The following TSPAN5 variants were observed in gnomAD, a reference collection of about 807,000 sequenced individuals.
The protein encoded by TSPAN5 is tetraspanin-5.
TSPAN5 carries 10 observed loss-of-function variants against 37.1 expected under a neutral mutation model. That is an observed-to-expected ratio of 0.27 (90% CI 0.17 to 0.46). TSPAN5 has a LOEUF of 0.46. Among genes scored for constraint, TSPAN5 ranks in the 20% least tolerant of loss-of-function variants. TSPAN5 has a pLI of 1.00. For missense variants in TSPAN5, 195 were observed against 326.6 expected, an observed-to-expected ratio of 0.60 and a Z score of 3.11; for synonymous variants, 110 against 118.9, an observed-to-expected ratio of 0.93 and a Z score of 0.48.
At chr4:98,524,465 A>T (rs550294847) in intron 1 of TSPAN5, among the ~76,000 whole-genome samples, 1 of 152,326 alleles carries the variant, frequency 6.6e-6, no homozygotes, top group African/African-American at 2.4e-5. Context: ...CTAGGTGATT[A>T]ATTAGTGCTC....
intron 3 of TSPAN5, chr4:98,484,573 T>C: frequency 2.2e-6 from 1 of 456,102 alleles, no homozygotes; most frequent in South Asian, 1.5e-5. Flanking sequence ...GTTTTCTGCC[T>C]GTTCAGTTAA....
chr4:98,492,593 G>A (rs982197722), intron 2 of TSPAN5, among the ~76,000 whole-genome samples: 2 of 152,140 alleles, frequency 1.3e-5, no homozygotes, highest in South Asian at 2.1e-4. Context: ...ACAGACACAC[G>A]CACGTGGTCG....
At chr4:98,473,794 A>C (rs1752638345) in intron 7 of TSPAN5, among the ~76,000 whole-genome samples, 1 of 151,802 alleles carries the variant, frequency 6.6e-6, no homozygotes, top group African/African-American at 2.4e-5. Flanking sequence ...TTGTTTTTTA[A>C]TAATTTAAGG....
chr4:98,562,680 A>G (rs1476115925), intron 1 of TSPAN5, among the ~76,000 whole-genome samples: 1 of 151,934 alleles, frequency 6.6e-6, no homozygotes, highest in African/African-American at 2.4e-5. Flanking sequence ...ACAAAACAAA[A>G]CAAAACAAAA....
At chr4:98,605,657 C>A (rs1756016519) in intron 1 of TSPAN5, among the ~76,000 whole-genome samples, 1 of 152,196 alleles carries the variant, frequency 6.6e-6, no homozygotes, top group Admixed American at 6.5e-5. Flanking sequence ...TAGCCACAAA[C>A]TGTCAATCCC....
At chr4:98,601,437 C>T (rs1194750556) in intron 1 of TSPAN5, among the ~76,000 whole-genome samples, 2 of 152,360 alleles carry the variant, frequency 1.3e-5, no homozygotes, top group South Asian at 2.1e-4. Context: ...GAAGCTTCTA[C>T]ATGAGCACGT....
At chr4:98,525,460 C>A (rs954605052) in intron 1 of TSPAN5, among the ~76,000 whole-genome samples, 6 of 152,202 alleles carry the variant, frequency 3.9e-5, no homozygotes, top group Non-Finnish European at 7.3e-5. Flanking sequence ...GGAATGGTGT[C>A]CTGTCTAGGG....
At chr4:98,508,194 T>C (rs1753521292) in intron 1 of TSPAN5, among the ~76,000 whole-genome samples, 1 of 152,196 alleles carries the variant, frequency 6.6e-6, no homozygotes, top group Non-Finnish European at 1.5e-5. Flanking sequence ...TGTCCCTCTT[T>C]GATCATGCCT....
chr4:98,508,820 CGGACTAG>C (rs960621904), intron 1 of TSPAN5, among the ~76,000 whole-genome samples: 2 of 152,054 alleles, frequency 1.3e-5, no homozygotes, highest in African/African-American at 2.4e-5. Flanking sequence ...CCACCACTCC[CGGACTAG>C]GGCTTTCCAT....
rs1752569816 is a variant in TSPAN5, at chr4:98,470,990, C to G, written c.*1532G>C. 6.6e-6 allele frequency: 1 copy of G among 152,188 alleles called. No individual in the cohort carries two copies. The highest frequency in any genetic ancestry group is 1.5e-5 in the Non-Finnish European group (1 of 68,036). The allele number at this position is 152,188 out of a possible 1,614,324, so 9.4% of individuals were successfully genotyped here. A position where few individuals can be genotyped will look rare whatever the true frequency, so the allele number is the denominator to read the frequency against. On this transcript the variant is annotated 3_prime_UTR_variant, in exon 8 of 8. Transcript: ENST00000305798. ...TATCTGCTCCCCAGGAGGGCAACAT[C>G]CGGTGGACACCAGCTGGATTAAAAT...
At chr4:98,543,607 A>C (rs1367426544) in intron 1 of TSPAN5, among the ~76,000 whole-genome samples, 1 of 151,654 alleles carries the variant, frequency 6.6e-6, no homozygotes, top group South Asian at 2.1e-4. Context: ...TTTAGCAGAG[A>C]CAGGGTTTCA....
Position 98,491,678 on chromosome 4 carries a change from C to T in TSPAN5, c.133-4794G>A, listed in dbSNP as rs150637939. Among the ~76,000 whole-genome samples, 311 of 112,656 alleles carry T rather than the reference C, an allele frequency of 2.8e-3. 3 individuals are homozygous for T. The highest frequency in any genetic ancestry group is 0.01 in the African/African-American group (300 of 28,906). 73.9% of individuals were successfully genotyped at this position (112,656 alleles called of 152,430 possible). On this transcript the variant is annotated intron_variant, in intron 2 of 7. Transcript: ENST00000305798. ...ACTCCAGCCTGGTGACAGAGCAAGA[C>T]TCTGTCTAAAAAAAAAAAAAAAGGT...
At position 98,499,389 on chromosome 4, in the gene TSPAN5, C is replaced by A. The variant is rs545091769; in HGVS notation, c.132+8289G>T. 2.0e-5 allele frequency among the ~76,000 whole-genome samples: 3 copies of A among 152,278 alleles called. No homozygotes were observed. The East Asian group carries it at 5.8e-4, about 29-fold the overall frequency. On this transcript the variant is annotated intron_variant, in intron 2 of 7. Transcript: ENST00000305798. Reference sequence around the variant, plus strand: ...TTAGGTTTGCAGTTTTATTATCCAGCCCTGTCTAATCACTGGGCCTGGATC... The same window carrying A: ...TTAGGTTTGCAGTTTTATTATCCAGACCTGTCTAATCACTGGGCCTGGATC...
At chr4:98,517,427 G>A (rs2110113028) in intron 1 of TSPAN5, among the ~76,000 whole-genome samples, 1 of 152,158 alleles carries the variant, frequency 6.6e-6, no homozygotes, top group East Asian at 1.9e-4. Context: ...GGCAGGGGAG[G>A]AGGTCTATTT....
intron 2 of TSPAN5, among the ~76,000 whole-genome samples, chr4:98,490,996 A>G (rs1279734802): frequency 2.0e-5 from 3 of 151,960 alleles, no homozygotes; most frequent in African/African-American, 7.3e-5. Context: ...CGGGAGGCGG[A>G]GCTTGCAGTG....
intron 1 of TSPAN5, among the ~76,000 whole-genome samples, chr4:98,604,536 CAA>C (rs1399088180): frequency 5.3e-5 from 8 of 152,186 alleles, no homozygotes; most frequent in Non-Finnish European, 1.2e-4. Flanking sequence ...ACAAGGCACG[CAA>C]AGACTATGAA....
intron 1 of TSPAN5, among the ~76,000 whole-genome samples, chr4:98,582,419 G>C (rs1919216): frequency 0.77 from 116,323 of 151,648 alleles, 45,024 homozygotes; most frequent in African/African-American, 0.87. Flanking sequence ...ACACAAAACT[G>C]CAAGGAAAAG....
chr4:98,514,408 T>TA (rs969011576), intron 1 of TSPAN5, among the ~76,000 whole-genome samples: 1 of 152,210 alleles, frequency 6.6e-6, no homozygotes, highest in African/African-American at 2.4e-5. Context: ...ATTTCAGGAA[T>TA]AAAAAAACCT....
At chr4:98,654,778 A>G (rs944661598) in intron 1 of TSPAN5, among the ~76,000 whole-genome samples, 5 of 152,242 alleles carry the variant, frequency 3.3e-5, no homozygotes, top group African/African-American at 1.2e-4. Flanking sequence ...CAGTGGGGAG[A>G]GAGAAGCACG....
Sources: gnomAD v4.1 joint callset for allele counts (sites outside exome capture counted in the v4.1 genomes callset) on GRCh38, gnomAD v4.1.1 for gene constraint, MANE v1.5 for transcripts, NCBI Gene and HGNC (gene_info 2026-07-23, HGNC 2026-07-21) for gene names.